MTHFD1L: variants seen among roughly 807,000 people sequenced by gnomAD.
The protein encoded by MTHFD1L is methylenetetrahydrofolate dehydrogenase (NADP+ dependent) 1 like, also known as monofunctional C1-tetrahydrofolate synthase, mitochondrial.
MTHFD1L carries 81 observed loss-of-function variants against 119.5 expected under a neutral mutation model. The observed-to-expected ratio is 0.68, with a 90% CI of 0.57 to 0.82. The LOEUF is 0.82. Among genes scored for constraint, MTHFD1L ranks in the 40% least tolerant of loss-of-function variants. MTHFD1L has a pLI of 0.00. For synonymous variants in MTHFD1L, 430 were observed against 475.2 expected, an observed-to-expected ratio of 0.90 and a Z score of 1.24; for missense variants, 1,125 against 1,253.4, an observed-to-expected ratio of 0.90 and a Z score of 1.55.
intron 26 of MTHFD1L, among the ~76,000 whole-genome samples, chr6:151,038,960 C>T (rs932392827): frequency 1.2e-4 from 18 of 152,138 alleles, no homozygotes; most frequent in African/African-American, 4.3e-4. Flanking sequence ...AAGGAATAGT[C>T]TGTGTCTCCA....
chr6:151,099,357 A>G (rs1584471536), intron 27 of MTHFD1L, among the ~76,000 whole-genome samples: 2 of 150,598 alleles, frequency 1.3e-5, no homozygotes, highest in South Asian at 2.1e-4. Context: ...CCCACCCTCT[A>G]CCCTAGCACC....
At chr6:151,097,745 A>G (rs1291815603) in intron 27 of MTHFD1L, among the ~76,000 whole-genome samples, 1 of 152,216 alleles carries the variant, frequency 6.6e-6, no homozygotes, top group Non-Finnish European at 1.5e-5. Flanking sequence ...ACAGGAAGAG[A>G]GTGGGGTGTA....
At chr6:151,027,051 G>C (rs1386094345) in intron 24 of MTHFD1L, among the ~76,000 whole-genome samples, 1 of 151,740 alleles carries the variant, frequency 6.6e-6, no homozygotes, top group Non-Finnish European at 1.5e-5. Context: ...GGATGGTCTC[G>C]ATCTCTTAAC....
intron 26 of MTHFD1L, among the ~76,000 whole-genome samples, chr6:151,081,364 T>C (rs112722148): frequency 0.024 from 3,624 of 152,140 alleles, 65 homozygotes; most frequent in Non-Finnish European, 0.036. Flanking sequence ...GTAATTTTCC[T>C]GACTTGGGCT....
intron 26 of MTHFD1L, among the ~76,000 whole-genome samples, chr6:151,058,122 A>G (rs545581539): frequency 5.0e-4 from 76 of 152,334 alleles, no homozygotes; most frequent in African/African-American, 1.8e-3. Flanking sequence ...TGGCTTATCC[A>G]TGGAGGGCTT....
rs543844025 is a variant in MTHFD1L at position 150,866,496 on chromosome 6, A to T, written c.227+447A>T. 1,637 of 1,311,960 alleles carry T rather than the reference A, an allele frequency of 1.2e-3. 21 individuals are homozygous for T. The African/African-American group carries it at 0.023, about 18-fold the overall frequency. 81.3% of individuals were successfully genotyped at this position (1,311,960 alleles called of 1,614,324 possible). A position where few individuals can be genotyped will look rare whatever the true frequency, so the allele number is the denominator to read the frequency against. Reference sequence around the variant, plus strand: ...GCTGGCCCGGGGTTCGGGAAGGGCAAGCGGAGCTCGGGAGAGGCGGGCTCG... The same window carrying T: ...GCTGGCCCGGGGTTCGGGAAGGGCATGCGGAGCTCGGGAGAGGCGGGCTCG... On this transcript the variant is annotated intron_variant, in intron 1 of 27. Coordinates refer to ENST00000367321, the MANE Select transcript of MTHFD1L (RefSeq NM_015440.5).
At chr6:150,921,855 G>A (rs1039667719) in intron 9 of MTHFD1L, among the ~76,000 whole-genome samples, 6 of 152,190 alleles carry the variant, frequency 3.9e-5, no homozygotes, top group African/African-American at 1.4e-4. Flanking sequence ...ATTCATTGCT[G>A]TAAGTATGAA....
At chr6:151,003,844 G>A (rs1334286993) in intron 20 of MTHFD1L, among the ~76,000 whole-genome samples, 1 of 152,098 alleles carries the variant, frequency 6.6e-6, no homozygotes, top group African/African-American at 2.4e-5. Flanking sequence ...GGGACCGGGG[G>A]CACCACACTG....
At chr6:150,894,159 T>A (rs1469483261) in intron 7 of MTHFD1L, among the ~76,000 whole-genome samples, 2 of 152,036 alleles carry the variant, frequency 1.3e-5, no homozygotes, top group Non-Finnish European at 2.9e-5. Context: ...CACCTGAATC[T>A]GGGGAGGTCG....
intron 8 of MTHFD1L, among the ~76,000 whole-genome samples, chr6:150,915,810 G>A (rs144989287): frequency 1.1e-3 from 168 of 152,174 alleles, no homozygotes; most frequent in Non-Finnish European, 2.1e-3. Context: ...CACCTTGTTG[G>A]CCAGGCTGGT....
intron 6 of MTHFD1L, among the ~76,000 whole-genome samples, chr6:150,886,067 A>G (rs564077042): frequency 1.2e-3 from 181 of 152,342 alleles, no homozygotes; most frequent in African/African-American, 4.3e-3. Context: ...CAAAATAACC[A>G]CAGTAAAATA....
chr6:150,867,349 G>A (rs1778577924), intron 1 of MTHFD1L, among the ~76,000 whole-genome samples: 1 of 152,122 alleles, frequency 6.6e-6, no homozygotes, highest in Non-Finnish European at 1.5e-5. Flanking sequence ...GCGCTACCAT[G>A]CCCGGATTAT....
intron 10 of MTHFD1L, among the ~76,000 whole-genome samples, chr6:150,922,952 G>T (rs1789250739): frequency 6.6e-6 from 1 of 152,004 alleles, no homozygotes; most frequent in African/African-American, 2.4e-5. Context: ...CCTGGCAGTG[G>T]TTTTTCTTCT....
rs149044401 is a variant in MTHFD1L at position 150,876,156 on chromosome 6, G to A, written c.294G>A (p.Pro98=). The change falls in exon 2 of 28, where the codon CCG becomes CCA. Residue 98 remains proline, a synonymous_variant. Transcript: ENST00000367321. ...LLQEKNPAFK[P]VLAIIQAGDD... is the part of the protein sequence containing the mutation. ...AAGAAAAAAACCCTGCCTTCAAGCC[G>A]GTTCTTGCAATTATCCAGGTAAGCC... 98 of 1,595,274 alleles carry A rather than the reference G, an allele frequency of 6.1e-5. No homozygotes were observed. Among genetic ancestry groups the A allele is most frequent in the Non-Finnish European group, 7.3e-5 (85 of 1,171,636 alleles).
rs1793122745 is a variant in MTHFD1L, at chr6:150,941,584, GA to G, written c.1440+2845del. On this transcript the variant is annotated intron_variant, in intron 13 of 27. Transcript: ENST00000367321. Reference sequence around the variant, plus strand: ...TGGGGGCAGTGAGGATGGAAAAGAGGAAAAAACAGTTTAAGATTTGTTTGCT... The same window carrying G: ...TGGGGGCAGTGAGGATGGAAAAGAGGAAAAACAGTTTAAGATTTGTTTGCT... Among the ~76,000 whole-genome samples the G allele has an allele frequency of 2.0e-5, 3 of 152,068 alleles. No homozygotes were observed. The South Asian group carries it at 6.2e-4, about 31-fold the overall frequency.
At chr6:151,032,989 G>A (rs1785566261) in intron 24 of MTHFD1L, among the ~76,000 whole-genome samples, 1 of 152,162 alleles carries the variant, frequency 6.6e-6, no homozygotes, top group African/African-American at 2.4e-5. Context: ...GACACTAGCT[G>A]TTGCCAAGCA....
At position 150,885,620 on chromosome 6, in the gene MTHFD1L, A is replaced by G; in HGVS notation, c.543-14A>G. 4 of 1,608,154 alleles carry G rather than the reference A, an allele frequency of 2.5e-6. No individual in the cohort carries two copies. The highest frequency in any genetic ancestry group is 3.4e-6 in the Non-Finnish European group (4 of 1,175,516). ...GGGCTTTGACTTAACCTACTTCTTT[A>G]TTTTCTGATTCAGAGTAACAGACAT... On this transcript the variant is annotated splice_polypyrimidine_tract_variant and intron_variant, in intron 5 of 27. Transcript: ENST00000367321.
At chr6:150,938,842 A>G in intron 13 of MTHFD1L, 97 bp downstream of exon 13, 6 of 1,415,988 alleles carry the variant, frequency 4.2e-6, no homozygotes, top group South Asian at 1.2e-5. Context: ...ACCCTCATCC[A>G]TAATCCCAAA....
rs1010520283 is a variant in MTHFD1L, at chr6:151,024,170, A to G, written c.2586+8477A>G. Among the ~76,000 whole-genome samples the G allele has an allele frequency of 1.2e-4, 18 of 152,154 alleles. No individual in the cohort carries two copies. In the South Asian group the frequency reaches 3.5e-3, roughly 30 times the overall value. The stretch of plus-strand genomic sequence containing the variant: ...CGGAACGAGCGTTGCACCTGTATTC[A>G]TTCATTTCGCTCTTGTAACACATTG... On this transcript the variant is annotated intron_variant, in intron 24 of 27. Transcript: ENST00000367321.
Sources: allele counts gnomAD v4.1 joint callset (sites outside exome capture counted in the v4.1 genomes callset), GRCh38; gene constraint gnomAD v4.1.1; transcripts MANE v1.5; gene names NCBI Gene and HGNC (gene_info 2026-07-23, HGNC 2026-07-21).